The following CHIC1 variants were observed in gnomAD, a reference collection of about 807,000 sequenced individuals.
The protein encoded by CHIC1 is cysteine rich hydrophobic domain 1.
A neutral mutation model predicts 18.5 loss-of-function variants in CHIC1; 7 were observed. That is an observed-to-expected ratio of 0.38 (90% confidence interval 0.22 to 0.71). CHIC1 has a LOEUF of 0.71. Ranked by LOEUF, CHIC1 falls within the 30% of genes least tolerant of loss-of-function variation. The pLI is 0.49. For missense variants in CHIC1, 159 were observed against 176.9 expected, an observed-to-expected ratio of 0.90 and a Z score of 0.57; for synonymous variants, 77 against 73.5, an observed-to-expected ratio of 1.05 and a Z score of -0.25.
At chrX:73,601,116 C>A (rs1261230794) in intron 3 of CHIC1, among the ~76,000 whole-genome samples, 3 of 106,273 alleles carry the variant, frequency 2.8e-5, no homozygotes, top group Non-Finnish European at 5.7e-5. Context: ...TAATGGGAGA[C>A]TTTAACACCC....
intron 3 of CHIC1, among the ~76,000 whole-genome samples, chrX:73,640,715 C>T (rs1350886849): frequency 9.0e-6 from 1 of 111,336 alleles, no homozygotes; most frequent in Admixed American, 9.6e-5. Context: ...TTTGTTATTT[C>T]TAATTGTATT....
In CHIC1 at chrX:73,640,448, A is replaced by G. The variant is rs556014612; in HGVS notation, c.508-38878A>G. On this transcript the variant is annotated intron_variant, in intron 3 of 5. Transcript: ENST00000373502. ...TGAGTTTGCTAGTATTTTGTTGAGG[A>G]TTTTTACATCTATGTTCATCAAGGA... Among the ~76,000 whole-genome samples the G allele has an allele frequency of 9.0e-5, 10 of 111,255 alleles. No homozygotes were observed. In the South Asian group the frequency reaches 3.8e-3, roughly 42 times the overall value.
At chrX:73,662,238 C>T (rs1200527404) in intron 3 of CHIC1, among the ~76,000 whole-genome samples, 1 of 108,764 alleles carries the variant, frequency 9.2e-6, no homozygotes, top group African/African-American at 3.4e-5. Context: ...ATTCTGATGA[C>T]ATCAGGGTCA....
intron 3 of CHIC1, among the ~76,000 whole-genome samples, chrX:73,612,005 G>A (rs1287588657): frequency 9.2e-6 from 1 of 108,571 alleles, no homozygotes; most frequent in Non-Finnish European, 1.9e-5. Context: ...CTTTTGCTGT[G>A]CAGAAGCTCT....
intron 3 of CHIC1, among the ~76,000 whole-genome samples, chrX:73,668,084 T>C (rs11796082): frequency 0.21 from 23,662 of 111,230 alleles, 2,397 homozygotes; most frequent in African/African-American, 0.38. Context: ...TCTGTATTGT[T>C]GTCTGCCTGG....
intron 3 of CHIC1, among the ~76,000 whole-genome samples, chrX:73,654,282 G>A (rs2057931429): frequency 8.9e-6 from 1 of 112,067 alleles, no homozygotes; most frequent in South Asian, 3.7e-4. Flanking sequence ...TTTCTGCACT[G>A]ATTAAAATGA....
intron 1 of CHIC1, among the ~76,000 whole-genome samples, chrX:73,568,589 A>G (rs1302688820): frequency 9.0e-6 from 1 of 111,386 alleles, no homozygotes; most frequent in African/African-American, 3.3e-5. Context: ...GATCTAATGT[A>G]TTGAAATACA....
At chrX:73,581,232 C>T (rs58250793) in intron 2 of CHIC1, among the ~76,000 whole-genome samples, 1 of 110,465 alleles carries the variant, frequency 9.1e-6, no homozygotes, top group African/African-American at 3.3e-5. Flanking sequence ...AGTCCTGCTG[C>T]GGTTTGCTTA....
intron 3 of CHIC1, among the ~76,000 whole-genome samples, chrX:73,643,620 G>GT (rs1443838489): frequency 9.0e-6 from 1 of 111,002 alleles, no homozygotes; most frequent in Non-Finnish European, 1.9e-5. Context: ...CATTCATTTC[G>GT]TCTTCCATCA....
intron 2 of CHIC1, among the ~76,000 whole-genome samples, chrX:73,580,559 C>T (rs1190656735): frequency 9.0e-6 from 1 of 110,774 alleles, no homozygotes; most frequent in African/African-American, 3.3e-5. Context: ...CTCCGACAGG[C>T]ACTTTCATTT....
At chrX:73,649,406 T>C (rs1210321767) in intron 3 of CHIC1, among the ~76,000 whole-genome samples, 1 of 111,466 alleles carries the variant, frequency 9.0e-6, no homozygotes, top group East Asian at 2.8e-4. Context: ...GAGTGGCACA[T>C]TGGATAAAGA....
intron 3 of CHIC1, among the ~76,000 whole-genome samples, chrX:73,676,636 A>AT (rs996497601): frequency 1.2e-4 from 13 of 109,765 alleles, no homozygotes; most frequent in Non-Finnish European, 1.7e-4. Flanking sequence ...CATTTTTCTA[A>AT]TTTTTTTTCA....
At chrX:73,668,628 G>A (rs777683618) in intron 3 of CHIC1, among the ~76,000 whole-genome samples, 3 of 111,265 alleles carry the variant, frequency 2.7e-5, no homozygotes, top group East Asian at 2.8e-4. Context: ...CTGGGGGTCC[G>A]CTCTAGACCC....
rs775632531 is a variant in CHIC1 at position 73,571,079 on chromosome X, CTGG to C, written c.297-6323_297-6321del. Among the ~76,000 whole-genome samples the C allele has an allele frequency of 5.5e-5, 6 of 108,413 alleles. No individual in the cohort carries two copies. In the South Asian group the frequency reaches 2.3e-3, roughly 41 times the overall value. 94.1% of individuals were successfully genotyped at this position (108,413 alleles called of 115,157 possible). ...TGGAAGCAGTGGACAGTTCATTTGT[CTGG>C]TGGTAAGTGAAAAGAGAATAGTAAA... On this transcript the variant is annotated intron_variant, in intron 1 of 5. Transcript: ENST00000373502.
At chrX:73,629,790 T>G (rs1038298399) in intron 3 of CHIC1, among the ~76,000 whole-genome samples, 7 of 112,234 alleles carry the variant, frequency 6.2e-5, no homozygotes, top group Non-Finnish European at 1.1e-4. Context: ...TGTGGTTCCA[T>G]GTAAATTTTA....
Position 73,686,840 on chromosome X carries a change from GAAT to G in CHIC1, c.*5840_*5842del, listed in dbSNP as rs1351234014. On this transcript the variant is annotated 3_prime_UTR_variant, in exon 6 of 6. Coordinates refer to ENST00000373502, the MANE Select transcript of CHIC1 (RefSeq NM_001039840.4). ...CTGTTGGGACAGCTTTACCAGAAAA[GAAT>G]AATAGCGGATATGTTCATCCAAACT... The G allele has an allele frequency of 1.8e-5, 2 of 111,304 alleles. No individual in the cohort carries two copies. The highest frequency in any genetic ancestry group is 5.7e-4 in the East Asian group (2 of 3,503). The allele number at this position is 111,304 out of a possible 1,213,427, so 9.2% of individuals were successfully genotyped here. A position where few individuals can be genotyped will look rare whatever the true frequency, so the allele number is the denominator to read the frequency against.
chrX:73,563,150 C>A, upstream of CHIC1: 1 of 308,261 alleles, frequency 3.2e-6, no homozygotes, highest in Non-Finnish European at 4.1e-6. Flanking sequence ...GTCTGCCCAA[C>A]ACGCAGGCGC....
intron 3 of CHIC1, among the ~76,000 whole-genome samples, chrX:73,666,977 TG>T (rs1271143933): frequency 8.9e-6 from 1 of 111,760 alleles, no homozygotes; most frequent in Admixed American, 9.5e-5. Flanking sequence ...TATTATTGTG[TG>T]GGAGTCTAAG....
chrX:73,671,254 A>G (rs990859146), intron 3 of CHIC1, among the ~76,000 whole-genome samples: 2 of 111,962 alleles, frequency 1.8e-5, no homozygotes, highest in African/African-American at 6.5e-5. Context: ...CAGTTTGACT[A>G]TGATGTGCCT....
Sources: allele counts gnomAD v4.1 joint callset (sites outside exome capture counted in the v4.1 genomes callset), GRCh38; gene constraint gnomAD v4.1.1; transcripts MANE v1.5; gene names NCBI Gene and HGNC (gene_info 2026-07-23, HGNC 2026-07-21).